The following CHN2 variants were observed in gnomAD, a reference collection of about 807,000 sequenced individuals.
The protein encoded by CHN2 is beta-chimaerin.
In CHN2, 35 loss-of-function variants were observed where a neutral mutation model predicts 56.3. The observed-to-expected ratio is 0.62, with a 90% CI of 0.47 to 0.82. The LOEUF (loss-of-function observed/expected upper bound fraction) is 0.82. Among genes scored for constraint, CHN2 ranks in the 40% least tolerant of loss-of-function variants. The pLI, the probability that CHN2 is intolerant of heterozygous loss-of-function variation, is 0.00. For synonymous variants in CHN2, 210 were observed against 212.8 expected, an observed-to-expected ratio of 0.99 and a Z score of 0.12; for missense variants, 491 against 580.5, an observed-to-expected ratio of 0.85 and a Z score of 1.58.
intron 10 of CHN2, 31 bp downstream of exon 10, chr7:29,504,852 A>G (rs73684725): frequency 0.19 from 271,439 of 1,451,382 alleles, 26,542 homozygotes; most frequent in Admixed American, 0.21. Flanking sequence ...ATGCCATCTG[A>G]CATCCTAACA....
upstream of CHN2, chr7:29,193,705 T>C (rs1296090869): frequency 6.6e-6 from 1 of 152,220 alleles, no homozygotes; most frequent in East Asian, 1.9e-4. Context: ...CTCGAGTCTC[T>C]TTCTCTCACA....
intron 1 of CHN2, among the ~76,000 whole-genome samples, chr7:29,219,916 A>C: frequency 6.6e-6 from 1 of 152,064 alleles, no homozygotes; most frequent in Admixed American, 6.5e-5. Context: ...TCTACTAAAA[A>C]TACAAAAAAT....
At chr7:29,167,972 G>C (rs1394851444) in intron 2 of CHN2, among the ~76,000 whole-genome samples, 4 of 152,196 alleles carry the variant, frequency 2.6e-5, no homozygotes, top group African/African-American at 9.6e-5. Context: ...CTGGGAACAT[G>C]AGTGATCATA....
intron 6 of CHN2, among the ~76,000 whole-genome samples, chr7:29,456,284 T>C (rs1175267169): frequency 6.6e-6 from 1 of 152,076 alleles, no homozygotes; most frequent in African/African-American, 2.4e-5. Flanking sequence ...TCACAGAGGG[T>C]TTTGTGATTA....
intron 1 of CHN2, among the ~76,000 whole-genome samples, chr7:29,257,287 T>A (rs1789148988): frequency 6.6e-6 from 1 of 152,188 alleles, no homozygotes; most frequent in African/African-American, 2.4e-5. Context: ...CACTGTGTCC[T>A]ATATGTGTCT....
Position 29,356,332 on chromosome 7 carries a change from A to G in CHN2, c.88+1669A>G, listed in dbSNP as rs188232725. 2.0e-5 allele frequency among the ~76,000 whole-genome samples: 3 copies of G among 152,206 alleles called. No individual in the cohort carries two copies. The East Asian group carries it at 5.8e-4, about 29-fold the overall frequency. On this transcript the variant is annotated intron_variant, in intron 2 of 12. Coordinates refer to ENST00000222792, the MANE Select transcript of CHN2 (RefSeq NM_004067.4). ...TATACACACAGCCACACACACACAT[A>G]TATAAATATGAATGTACGTATTTGT...
At chr7:29,435,320 G>T (rs935325588) in intron 6 of CHN2, among the ~76,000 whole-genome samples, 9 of 152,216 alleles carry the variant, frequency 5.9e-5, no homozygotes, top group Non-Finnish European at 7.3e-5. Context: ...TGTTAGAAAT[G>T]CAAATACTTG....
At chr7:29,405,774 T>G (rs990677642) in intron 6 of CHN2, among the ~76,000 whole-genome samples, 1 of 152,214 alleles carries the variant, frequency 6.6e-6, no homozygotes, top group Non-Finnish European at 1.5e-5. Context: ...TTGTTTGTTT[T>G]TTCTTTCTAA....
intron 1 of CHN2, among the ~76,000 whole-genome samples, chr7:29,321,079 A>T (rs776360617): frequency 6.6e-6 from 1 of 152,248 alleles, no homozygotes; most frequent in Admixed American, 6.5e-5. Context: ...TCTAGGGAAG[A>T]TGCTTACAGA....
At chr7:29,217,821 G>T (rs1785457326) in intron 1 of CHN2, among the ~76,000 whole-genome samples, 1 of 152,152 alleles carries the variant, frequency 6.6e-6, no homozygotes, top group South Asian at 2.1e-4. Context: ...GCAGCAGGTT[G>T]GAAGGCAATA....
chr7:29,321,570 C>CTTTTTT (rs59651474), intron 1 of CHN2, among the ~76,000 whole-genome samples: 2 of 128,188 alleles, frequency 1.6e-5, no homozygotes, highest in Non-Finnish European at 3.2e-5. Flanking sequence ...TTCTTTCTTT[C>CTTTTTT]TTTTTTTTTT....
At chr7:29,312,345 C>A (rs552918320) in intron 1 of CHN2, among the ~76,000 whole-genome samples, 2 of 152,258 alleles carry the variant, frequency 1.3e-5, no homozygotes, top group South Asian at 4.1e-4. Context: ...TTCCCCTGAA[C>A]CTTGCCAAAT....
intron 1 of CHN2, among the ~76,000 whole-genome samples, chr7:29,252,001 C>T (rs549923901): frequency 6.1e-4 from 93 of 152,000 alleles, no homozygotes; most frequent in Admixed American, 1.2e-3. Flanking sequence ...TCTCATTAAC[C>T]CACAAACAGC....
At chr7:29,400,444 G>A in intron 5 of CHN2, 99 bp from the exon 6 acceptor site, 1 of 1,191,800 alleles carries the variant, frequency 8.4e-7, no homozygotes, top group East Asian at 2.3e-5. Context: ...CTGTGCCTGG[G>A]ATACACTAAG....
At chr7:29,457,259 G>A (rs917003156) in intron 6 of CHN2, among the ~76,000 whole-genome samples, 1 of 152,126 alleles carries the variant, frequency 6.6e-6, no homozygotes, top group Non-Finnish European at 1.5e-5. Flanking sequence ...ATGTCCTTTA[G>A]TCAAGCCACA....
intron 1 of CHN2, among the ~76,000 whole-genome samples, chr7:29,346,945 C>T (rs906654582): frequency 2.0e-5 from 3 of 152,140 alleles, no homozygotes; most frequent in South Asian, 2.1e-4. Context: ...AGAATACAGC[C>T]TTCCAGCTGC....
At chr7:29,333,045 G>A (rs1252511878) in intron 1 of CHN2, 6 of 152,216 alleles carry the variant, frequency 3.9e-5, no homozygotes, top group African/African-American at 1.4e-4. Context: ...AGTGGGCTGA[G>A]AAGCACCCAC....
intron 5 of CHN2, among the ~76,000 whole-genome samples, chr7:29,399,117 A>T (rs761993503): frequency 4.6e-5 from 7 of 152,190 alleles, no homozygotes; most frequent in African/African-American, 1.2e-4. Flanking sequence ...TCAGCCGCAG[A>T]TGCTATCGGT....
chr7:29,352,550 C>T (rs113354822), intron 1 of CHN2, among the ~76,000 whole-genome samples: 15,442 of 151,952 alleles, frequency 0.1, 1,565 homozygotes, highest in African/African-American at 0.26. Flanking sequence ...GGTGAAACTC[C>T]ATCTCTATTA....
Sources: gnomAD v4.1 joint callset for allele counts (sites outside exome capture counted in the v4.1 genomes callset) on GRCh38, gnomAD v4.1.1 for gene constraint, MANE v1.5 for transcripts, NCBI Gene and HGNC (gene_info 2026-07-23, HGNC 2026-07-21) for gene names.